The following CLMP variants were observed in gnomAD, a reference collection of about 807,000 sequenced individuals.
CLMP encodes CXADR-like membrane protein.
CLMP carries 27 observed loss-of-function variants against 45.2 expected under a neutral mutation model. The observed-to-expected ratio is 0.60, with a 90% CI of 0.44 to 0.82. CLMP has a LOEUF of 0.82. Ranked by LOEUF, CLMP falls within the 40% of genes least tolerant of loss-of-function variation. CLMP has a pLI of 0.00. For synonymous variants in CLMP, 167 were observed against 171.4 expected (o/e 0.97, Z 0.20); for missense variants, 403 against 448.4 (o/e 0.90, Z 0.91).
intron 2 of CLMP, among the ~76,000 whole-genome samples, chr11:123,088,271 G>T (rs1209335075): frequency 6.6e-6 from 1 of 152,142 alleles, no homozygotes. Flanking sequence ...TGCTGGGATA[G>T]TTGGAAAAGA....
chr11:123,161,935 C>T (rs1333734228), intron 1 of CLMP, among the ~76,000 whole-genome samples: 1 of 152,170 alleles, frequency 6.6e-6, no homozygotes, highest in Non-Finnish European at 1.5e-5. Flanking sequence ...CAGTAGGCCT[C>T]ATGTACAATA....
chr11:123,153,924 G>A (rs1390976579), intron 1 of CLMP, among the ~76,000 whole-genome samples: 2 of 150,362 alleles, frequency 1.3e-5, no homozygotes, highest in African/African-American at 4.9e-5. Flanking sequence ...GAGCTCAAGC[G>A]ATTCACCTGC....
rs10645884 is a variant in CLMP at position 123,073,373 on chromosome 11, C to CCT, written c.*99_*100dup. On this transcript the variant is annotated 3_prime_UTR_variant, in exon 7 of 7. Transcript: ENST00000448775. ...GCAATGCTCACTGCTACTTAGATGA[C>CCT]CTCTCATCTGGTTGTGTGGCTGGTG... 0.042 allele frequency: 53,468 copies of CCT among 1,281,538 alleles called. 3,178 individuals carry two copies. Among genetic ancestry groups the CCT allele is most frequent in the African/African-American group, 0.23 (15,709 of 67,178 alleles). The allele number at this position is 1,281,538 out of a possible 1,614,324, so 79.4% of individuals were successfully genotyped here.
At chr11:123,138,368 T>C (rs541311828) in intron 1 of CLMP, among the ~76,000 whole-genome samples, 2 of 152,276 alleles carry the variant, frequency 1.3e-5, no homozygotes, top group Admixed American at 1.3e-4. Flanking sequence ...CTTCTGGATC[T>C]TTCTCTGGTG....
rs1336562641 is a variant in CLMP at position 123,085,600 on chromosome 11, A to T, written c.187-887T>A. Among the ~76,000 whole-genome samples the T allele has an allele frequency of 4.1e-5, 6 of 144,748 alleles. No homozygotes were observed. In the East Asian group the frequency reaches 1.3e-3, roughly 32 times the overall value. The allele number at this position is 144,748 out of a possible 152,430, so 95.0% of individuals were successfully genotyped here. ...AAATAAGATAGCTACAAAGATAAAA[A>T]AAAAAAAAAAAAAAAAGCTTACAGT... On this transcript the variant is annotated intron_variant, in intron 2 of 6. Transcript: ENST00000448775.
In CLMP at chr11:123,141,173, C is replaced by CTTTTTTTTTTTTT. The variant is rs550888215; in HGVS notation, c.29-43234_29-43222dup. ...GTACATTATCCAATCTCAGGCATTC[C>CTTTTTTTTTTTTT]TTTTTTTTTTTTTTTTTTTTTTTTT... is the stretch of plus-strand genomic sequence containing the variant. On this transcript the variant is annotated intron_variant, in intron 1 of 6. Coordinates refer to ENST00000448775, the MANE Select transcript of CLMP (RefSeq NM_024769.5). Among the ~76,000 whole-genome samples the CTTTTTTTTTTTTT allele has an allele frequency of 2.2e-4, 18 of 80,808 alleles. 3 individuals carry two copies. The highest frequency in any genetic ancestry group is 3.3e-4 in the Non-Finnish European group (15 of 45,062). 53.0% of individuals were successfully genotyped at this position (80,808 alleles called of 152,430 possible).
At chr11:123,116,133 A>G (rs1370583787) in intron 1 of CLMP, among the ~76,000 whole-genome samples, 2 of 151,938 alleles carry the variant, frequency 1.3e-5, no homozygotes, top group African/African-American at 4.8e-5. Flanking sequence ...GACGTCTCAG[A>G]GGAGACGTCT....
chr11:123,113,719 T>G (rs1459283001), intron 1 of CLMP, among the ~76,000 whole-genome samples: 1 of 152,180 alleles, frequency 6.6e-6, no homozygotes, highest in African/African-American at 2.4e-5. Context: ...TTCTACAGAC[T>G]GGGGGTTGAC....
chr11:123,085,613 A>G (rs1255288472), intron 2 of CLMP, among the ~76,000 whole-genome samples: 1 of 150,604 alleles, frequency 6.6e-6, no homozygotes, highest in East Asian at 2.0e-4. Context: ...AAAAAAAAAA[A>G]AAAGCTTACA....
At chr11:123,186,980 T>C (rs1861843201) in intron 1 of CLMP, among the ~76,000 whole-genome samples, 1 of 152,164 alleles carries the variant, frequency 6.6e-6, no homozygotes, top group South Asian at 2.1e-4. Flanking sequence ...CAGATACCCA[T>C]GAACTGACCC....
chr11:123,178,325 T>A (rs1459310368), intron 1 of CLMP, among the ~76,000 whole-genome samples: 2 of 152,244 alleles, frequency 1.3e-5, no homozygotes, highest in Non-Finnish European at 2.9e-5. Flanking sequence ...AAGTGTGCCA[T>A]CACCAGAAAG....
At position 123,153,272 on chromosome 11, in the gene CLMP, A is replaced by G. The variant is rs545995056; in HGVS notation, c.28+41641T>C. ...TGGCTTCCAGCGTTTGAGCAAATAC[A>G]AGTTTCAGATATTTTCTCTCCAAGA... On this transcript the variant is annotated intron_variant, in intron 1 of 6. Transcript: ENST00000448775. Among the ~76,000 whole-genome samples the G allele has an allele frequency of 2.0e-5, 3 of 152,244 alleles. No individual in the cohort carries two copies. In the East Asian group the frequency reaches 5.8e-4, roughly 29 times the overall value.
chr11:123,144,317 T>C (rs1861207265), intron 1 of CLMP, among the ~76,000 whole-genome samples: 1 of 152,244 alleles, frequency 6.6e-6, no homozygotes, highest in South Asian at 2.1e-4. Flanking sequence ...CAGAATACAT[T>C]ACTGGATCCA....
intron 1 of CLMP, among the ~76,000 whole-genome samples, chr11:123,129,652 C>T (rs976832153): frequency 7.5e-6 from 1 of 133,092 alleles, no homozygotes; most frequent in African/African-American, 2.8e-5. Flanking sequence ...ATATATAGTT[C>T]AGTATATAAA....
intron 1 of CLMP, among the ~76,000 whole-genome samples, chr11:123,114,462 T>TCCCTCCCTCTCTCCCTCCCCC (rs1860692988): frequency 8.1e-6 from 1 of 123,610 alleles, no homozygotes. Flanking sequence ...CTCCCTCCCT[T>TCCCTCCCTCTCTCCCTCCCCC]CCTTCCTTCC....
chr11:123,129,387 ATATAT>A (rs911320100), intron 1 of CLMP, among the ~76,000 whole-genome samples: 22 of 141,088 alleles, frequency 1.6e-4, no homozygotes, highest in Non-Finnish European at 2.6e-4. Flanking sequence ...ATATCATATG[ATATAT>A]TATATAAAAT....
chr11:123,085,704 A>G (rs2135470640), intron 2 of CLMP, among the ~76,000 whole-genome samples: 1 of 150,962 alleles, frequency 6.6e-6, no homozygotes, highest in East Asian at 1.9e-4. Flanking sequence ...CTCTGCACAC[A>G]TGAGATAAAT....
intron 5 of CLMP, among the ~76,000 whole-genome samples, chr11:123,075,104 C>A (rs919374308): frequency 6.6e-6 from 1 of 151,970 alleles, no homozygotes; most frequent in African/African-American, 2.4e-5. Context: ...CACAGGCGTG[C>A]ACCACCACGC....
At chr11:123,143,497 G>A (rs1472111980) in intron 1 of CLMP, among the ~76,000 whole-genome samples, 2 of 149,594 alleles carry the variant, frequency 1.3e-5, no homozygotes. Context: ...GAAGTTAGCT[G>A]CCATGTGAAC....
Sources: gnomAD v4.1 joint callset for allele counts (sites outside exome capture counted in the v4.1 genomes callset) on GRCh38, gnomAD v4.1.1 for gene constraint, MANE v1.5 for transcripts, NCBI Gene and HGNC (gene_info 2026-07-23, HGNC 2026-07-21) for gene names.